The following RHCG variants were observed in gnomAD, a reference collection of about 807,000 sequenced individuals.
RHCG encodes the protein Rh family C glycoprotein.
A neutral mutation model predicts 55.3 loss-of-function variants in RHCG; 39 were observed. The ratio of observed to expected loss-of-function variants is 0.70; its 90% CI spans 0.55 to 0.92. The LOEUF is 0.92. Among genes scored for constraint, RHCG ranks in the 40% least tolerant of loss-of-function variants. RHCG has a pLI of 0.00. For synonymous variants in RHCG, 250 were observed against 246.8 expected, an observed-to-expected ratio of 1.01 and a Z score of -0.12; for missense variants, 635 against 627.9, an observed-to-expected ratio of 1.01 and a Z score of -0.12.
At chr15:89,474,025 A>G (rs759055930) in intron 9 of RHCG, among the ~76,000 whole-genome samples, 1 of 152,270 alleles carries the variant, frequency 6.6e-6, no homozygotes, top group African/African-American at 2.4e-5. Flanking sequence ...AGAAATAATT[A>G]TCCTGTGAGA....
intron 2 of RHCG, among the ~76,000 whole-genome samples, chr15:89,483,431 A>T (rs1314444919): frequency 2.6e-5 from 4 of 152,052 alleles, no homozygotes; most frequent in Non-Finnish European, 5.9e-5. Context: ...CACACACCAG[A>T]TGCCCACCTC....
At chr15:89,476,116 G>C (rs1033722849) in intron 9 of RHCG, among the ~76,000 whole-genome samples, 1 of 151,840 alleles carries the variant, frequency 6.6e-6, no homozygotes, top group African/African-American at 2.4e-5. Flanking sequence ...GCCCAGGCTG[G>C]AGTGCAGTGG....
chr15:89,479,776 A>G (rs1051678421), intron 4 of RHCG: 12 of 459,136 alleles, frequency 2.6e-5, no homozygotes, highest in Non-Finnish European at 2.7e-5. Context: ...TCTTTTCTCT[A>G]CTGTAGGGAG....
intron 1 of RHCG, among the ~76,000 whole-genome samples, chr15:89,492,757 C>T (rs1351057562): frequency 6.6e-6 from 1 of 152,248 alleles, no homozygotes; most frequent in African/African-American, 2.4e-5. Flanking sequence ...AATTTAAATG[C>T]TATAATAGTT....
rs113226927 is a variant in RHCG at position 89,488,841 on chromosome 15, G to A, written c.185-1856C>T. ...AGAAAATCAGATATAAACAGATTAA[G>A]ATATTATATTAATAAGATATAAACA... On this transcript the variant is annotated intron_variant, in intron 1 of 10. Transcript: ENST00000268122. Among the ~76,000 whole-genome samples the A allele has an allele frequency of 9.0e-3, 1,367 of 151,738 alleles. 21 individuals carry two copies. The highest frequency in any genetic ancestry group is 0.031 in the African/African-American group (1,299 of 41,312).
At chr15:89,482,908 A>G (rs1463938729) in intron 3 of RHCG, among the ~76,000 whole-genome samples, 159 bp downstream of exon 3, 3 of 152,184 alleles carry the variant, frequency 2.0e-5, no homozygotes, top group African/African-American at 7.2e-5. Context: ...TGCCTGGTAG[A>G]TATTATTACT....
In RHCG at chr15:89,477,139, G is replaced by C. The variant is rs1416201857; in HGVS notation, c.1180C>G (p.Gln394Glu). 1 of 1,613,902 alleles carries C rather than the reference G, an allele frequency of 6.2e-7. No individual in the cohort carries two copies. Among genetic ancestry groups the C allele is most frequent in the Non-Finnish European group, 8.5e-7 (1 of 1,180,004 alleles). ...DWTARTQGKF[Q>E]IYGLLVTLAM... Reference sequence around the variant, plus strand: ...AGGGTCACCAAGAGACCATAAATCTGGAACTTTCCCTGTGTTCTTGCGGTC... The same window carrying C: ...AGGGTCACCAAGAGACCATAAATCTCGAACTTTCCCTGTGTTCTTGCGGTC... Residue 394 changes from glutamine (Q) to glutamate (E), a missense_variant, in exon 8 of 11, where the codon CAG (glutamine) becomes GAG (glutamate). By Grantham distance (29) the Gln-to-Glu change is conservative. Coordinates refer to ENST00000268122, the MANE Select transcript of RHCG (RefSeq NM_016321.3). The surrounding 1 kb of genome is among the most constrained non-coding windows in gnomAD (Gnocchi z 4.5).
At chr15:89,476,012 GCT>G (rs147396388) in intron 9 of RHCG, among the ~76,000 whole-genome samples, 36 of 132,470 alleles carry the variant, frequency 2.7e-4, no homozygotes, top group African/African-American at 8.0e-4. Context: ...TCTTGCTCTC[GCT>G]CTCTCTCTCT....
intron 2 of RHCG, 92 bp downstream of exon 2, chr15:89,486,707 C>T: frequency 1.4e-6 from 2 of 1,412,528 alleles, no homozygotes; most frequent in Non-Finnish European, 9.7e-7. Flanking sequence ...AGCCCGGGTC[C>T]CGCCGATGGG....
chr15:89,478,415 C>T (rs1961198340), intron 5 of RHCG, among the ~76,000 whole-genome samples: 1 of 152,184 alleles, frequency 6.6e-6, no homozygotes, highest in Admixed American at 6.5e-5. Context: ...GTACCAGGTA[C>T]CGTGCTGCTG....
chr15:89,478,089 A>T (rs1299534078), intron 5 of RHCG, 115 bp from the exon 6 acceptor site: 3 of 1,372,788 alleles, frequency 2.2e-6, no homozygotes, highest in Non-Finnish European at 2.9e-6. Context: ...GGAGCCGGGG[A>T]TGGCTGGGAG....
At chr15:89,488,245 G>A (rs1303487188) in intron 1 of RHCG, among the ~76,000 whole-genome samples, 2 of 152,112 alleles carry the variant, frequency 1.3e-5, no homozygotes, top group Non-Finnish European at 1.5e-5. Context: ...AATAAATGAG[G>A]TAGCAGATAG....
In RHCG at chr15:89,496,410, C is replaced by T. The variant is rs531362240; in HGVS notation, c.135G>A (p.Thr45=). The T allele has an allele frequency of 6.2e-6, 10 of 1,614,024 alleles. No individual in the cohort carries two copies. Among genetic ancestry groups the T allele is most frequent in the Non-Finnish European group, 8.5e-6 (10 of 1,179,972 alleles). The change falls in exon 1 of 11, where the codon ACG becomes ACA. Residue 45 remains threonine, a synonymous_variant. Transcript: ENST00000268122. ...TCTCCATGTCGCTCAAGTTCTTGTG[C>T]GTCCTCTCTGACCACCAGTGGGCGT... is the stretch of plus-strand genomic sequence containing the variant. ...EADAHWWSER[T]HKNLSDMENE... is the part of the protein sequence containing the mutation.
intron 5 of RHCG, among the ~76,000 whole-genome samples, chr15:89,478,420 C>A (rs888286179): frequency 5.9e-5 from 9 of 152,190 alleles, no homozygotes; most frequent in African/African-American, 2.2e-4. Flanking sequence ...AGGTACCGTG[C>A]TGCTGGCTGT....
At chr15:89,482,975 G>T in intron 3 of RHCG, 92 bp downstream of exon 3, 2 of 1,279,558 alleles carry the variant, frequency 1.6e-6, no homozygotes, top group Non-Finnish European at 2.1e-6. Flanking sequence ...GACTCGCCAG[G>T]CTGGCATGTC....
chr15:89,473,818 G>A (rs186913464), intron 9 of RHCG, among the ~76,000 whole-genome samples: 74 of 152,280 alleles, frequency 4.9e-4, no homozygotes, highest in African/African-American at 1.6e-3. Context: ...ACTGGGGGAC[G>A]TCTGTACTGC....
At chr15:89,492,246 C>G (rs1228709035) in intron 1 of RHCG, among the ~76,000 whole-genome samples, 2 of 152,204 alleles carry the variant, frequency 1.3e-5, no homozygotes, top group African/African-American at 4.8e-5. Flanking sequence ...TCCCAGCCCC[C>G]AGCCCCGTTC....
intron 2 of RHCG, chr15:89,486,386 G>A (rs1596406561): frequency 2.2e-6 from 1 of 456,608 alleles, no homozygotes; most frequent in East Asian, 6.9e-5. Context: ...TCAGGACACA[G>A]GGCTGGGCGA....
At chr15:89,486,217 C>T (rs1961355541) in intron 2 of RHCG, 1 of 455,980 alleles carries the variant, frequency 2.2e-6, no homozygotes, top group South Asian at 1.6e-5. Context: ...CTGTTTCCAG[C>T]ACCTGTTCCC....
Sources: gnomAD v4.1 joint callset for allele counts (sites outside exome capture counted in the v4.1 genomes callset) on GRCh38, gnomAD v4.1.1 for gene constraint, Gnocchi (gnomAD v3.1) non-coding constraint, MANE v1.5 for transcripts, NCBI Gene and HGNC (gene_info 2026-07-23, HGNC 2026-07-21) for gene names.